The following SLIT3 variants were observed in gnomAD, a reference collection of about 807,000 sequenced individuals.
SLIT3 encodes the protein slit guidance ligand 3, also known as slit homolog 3 protein.
A neutral mutation model predicts 184.0 loss-of-function variants in SLIT3; 68 were observed. The ratio of observed to expected loss-of-function variants is 0.37; its 90% CI spans 0.30 to 0.45. The LOEUF is 0.45. Ranked by LOEUF, SLIT3 falls within the 20% of genes least tolerant of loss-of-function variation. SLIT3 has a pLI of 1.00. For synonymous variants in SLIT3, 831 were observed against 828.6 expected, an observed-to-expected ratio of 1.00 and a Z score of -0.05; for missense variants, 1,707 against 2,026.0, an observed-to-expected ratio of 0.84 and a Z score of 3.02.
At chr5:169,016,004 T>C (rs1756362309) in intron 4 of SLIT3, among the ~76,000 whole-genome samples, 1 of 149,858 alleles carries the variant, frequency 6.7e-6, no homozygotes, top group African/African-American at 2.5e-5. Context: ...GTCTGCCCCC[T>C]TGCTCTTCCT....
intron 16 of SLIT3, among the ~76,000 whole-genome samples, chr5:168,754,797 T>C (rs1259700533): frequency 6.6e-6 from 1 of 152,168 alleles, no homozygotes; most frequent in Admixed American, 6.5e-5. Context: ...ATTTGAAGTT[T>C]TTTTCTGTGT....
chr5:168,699,569 C>T (rs1762158233), intron 27 of SLIT3, among the ~76,000 whole-genome samples: 1 of 152,306 alleles, frequency 6.6e-6, no homozygotes, highest in African/African-American at 2.4e-5. Flanking sequence ...CAATCCCATT[C>T]CTAGGACAGG....
At chr5:169,147,550 C>T (rs1396575973) in intron 4 of SLIT3, among the ~76,000 whole-genome samples, 2 of 152,214 alleles carry the variant, frequency 1.3e-5, no homozygotes, top group South Asian at 2.1e-4. Context: ...TGAGCCACCA[C>T]GCCTGGCCAT....
chr5:169,202,808 G>A (rs1040430814), intron 3 of SLIT3, among the ~76,000 whole-genome samples: 19 of 104,958 alleles, frequency 1.8e-4, no homozygotes, highest in African/African-American at 2.6e-4. Context: ...ACCCCTGCCC[G>A]CAACACACAC....
intron 4 of SLIT3, chr5:169,038,003 G>T (rs1757315606): frequency 6.6e-6 from 1 of 152,210 alleles, no homozygotes; most frequent in Admixed American, 6.5e-5. Flanking sequence ...TCTTCAGTAT[G>T]TGTCTATCCT....
chr5:168,755,241 G>C (rs1754849841), intron 16 of SLIT3, among the ~76,000 whole-genome samples: 1 of 152,072 alleles, frequency 6.6e-6, no homozygotes, highest in African/African-American at 2.4e-5. Flanking sequence ...CAGGTTTTCT[G>C]GCATATCAAA....
rs369283529 is a variant in SLIT3 at position 168,753,110 on chromosome 5, G to A, written c.1830-12C>T. On this transcript the variant is annotated splice_polypyrimidine_tract_variant and intron_variant, in intron 17 of 35. Coordinates refer to ENST00000519560, the MANE Select transcript of SLIT3 (RefSeq NM_003062.4). ...TACTCCTCAGCATCCTACAGGGAGA[G>A]GGGTGGGGATGAGAGAGCACAGGCA... 6.2e-7 allele frequency: 1 copy of A among 1,613,830 alleles called. No homozygotes were observed. Among genetic ancestry groups the A allele is most frequent in the Non-Finnish European group, 8.5e-7 (1 of 1,179,852 alleles).
At chr5:169,094,197 T>G (rs1463842791) in intron 4 of SLIT3, among the ~76,000 whole-genome samples, 1 of 152,256 alleles carries the variant, frequency 6.6e-6, no homozygotes, top group Non-Finnish European at 1.5e-5. Context: ...ACTTAATATT[T>G]GTAAGATCCC....
At chr5:169,210,987 G>A in intron 3 of SLIT3, among the ~76,000 whole-genome samples, 1 of 152,168 alleles carries the variant, frequency 6.6e-6, no homozygotes, top group East Asian at 1.9e-4. Flanking sequence ...GATTTTAAAT[G>A]TGCTTGAGTG....
intron 4 of SLIT3, among the ~76,000 whole-genome samples, chr5:169,002,487 G>T (rs146591997): frequency 1.3e-5 from 2 of 152,230 alleles, no homozygotes; most frequent in Middle Eastern, 3.4e-3. Context: ...GATGACATCA[G>T]GTGGGAGGAT....
chr5:168,759,129 C>T (rs1457706899), intron 16 of SLIT3, among the ~76,000 whole-genome samples: 1 of 152,148 alleles, frequency 6.6e-6, no homozygotes, highest in East Asian at 1.9e-4. Context: ...GAATCTGAAA[C>T]ACTCCTGATC....
chr5:168,955,991 C>T (rs1334949123), intron 4 of SLIT3, among the ~76,000 whole-genome samples: 5 of 152,168 alleles, frequency 3.3e-5, no homozygotes, highest in Non-Finnish European at 5.9e-5. Flanking sequence ...TCCATAGCGG[C>T]AAAATGAAGG....
intron 4 of SLIT3, among the ~76,000 whole-genome samples, chr5:169,163,944 G>A (rs1213041562): frequency 6.6e-6 from 1 of 152,146 alleles, no homozygotes; most frequent in Admixed American, 6.5e-5. Context: ...GGCCCCCAGT[G>A]AGAATGTCCA....
At chr5:168,724,212 A>G (rs1306738484) in intron 21 of SLIT3, among the ~76,000 whole-genome samples, 3 of 152,146 alleles carry the variant, frequency 2.0e-5, no homozygotes, top group East Asian at 1.9e-4. Context: ...AAGGTCTCCT[A>G]CTTTCCCAAG....
chr5:168,891,730 A>T (rs537098658), intron 4 of SLIT3, among the ~76,000 whole-genome samples: 9 of 152,356 alleles, frequency 5.9e-5, no homozygotes, highest in African/African-American at 2.2e-4. Flanking sequence ...AAGCTTCTAC[A>T]AAATGCTACA....
chr5:169,234,598 G>A (rs1001290966), intron 3 of SLIT3, among the ~76,000 whole-genome samples: 1 of 151,986 alleles, frequency 6.6e-6, no homozygotes, highest in African/African-American at 2.4e-5. Context: ...GTAGAGACGA[G>A]GTTTCATCGA....
At chr5:169,053,238 C>G (rs1757874902) in intron 4 of SLIT3, among the ~76,000 whole-genome samples, 1 of 152,212 alleles carries the variant, frequency 6.6e-6, no homozygotes, top group Admixed American at 6.5e-5. Flanking sequence ...ATAGATGAGG[C>G]TGGGAAAACA....
intron 4 of SLIT3, chr5:169,017,813 GTCT>G (rs1756450183): frequency 6.6e-6 from 1 of 152,206 alleles, no homozygotes; most frequent in African/African-American, 2.4e-5. Flanking sequence ...CATCTCCTAA[GTCT>G]TCTTTGGTTT....
At chr5:169,023,169 T>C (rs1756667350) in intron 4 of SLIT3, among the ~76,000 whole-genome samples, 1 of 152,174 alleles carries the variant, frequency 6.6e-6, no homozygotes, top group South Asian at 2.1e-4. Context: ...TGCATGAGTG[T>C]GTACATGCAT....
Sources: gnomAD v4.1 joint callset for allele counts (sites outside exome capture counted in the v4.1 genomes callset) on GRCh38, gnomAD v4.1.1 for gene constraint, MANE v1.5 for transcripts, NCBI Gene and HGNC (gene_info 2026-07-23, HGNC 2026-07-21) for gene names.